The following NME9 variants were observed in gnomAD, a reference collection of about 807,000 sequenced individuals.
NME9 encodes the protein NME/NM23 family member 9.
NME9 carries 48 observed loss-of-function variants against 44.4 expected under a neutral mutation model. That is an observed-to-expected ratio of 1.08 (90% confidence interval 0.86 to 1.37). NME9 has a LOEUF of 1.37. Among genes scored for constraint, NME9 ranks in the 40% most tolerant of loss-of-function variants. The pLI is 0.00. For missense variants in NME9, 325 were observed against 405.2 expected (o/e 0.80, Z 1.70); for synonymous variants, 139 against 147.1 (o/e 0.94, Z 0.40).
At chr3:138,327,821 A>C (rs2053888063) in intron 1 of NME9, among the ~76,000 whole-genome samples, 1 of 152,128 alleles carries the variant, frequency 6.6e-6, no homozygotes, top group Non-Finnish European at 1.5e-5. Flanking sequence ...TTGTACTCAG[A>C]GCTCTGAGTA....
intron 8 of NME9, among the ~76,000 whole-genome samples, chr3:138,271,309 A>T (rs564181371): frequency 6.6e-6 from 1 of 152,070 alleles, no homozygotes; most frequent in African/African-American, 2.4e-5. Context: ...CTCTGAGAAC[A>T]TTCCCCCAAG....
intron 2 of NME9, among the ~76,000 whole-genome samples, chr3:138,323,102 C>T (rs933833150): frequency 3.3e-5 from 5 of 152,192 alleles, no homozygotes; most frequent in Admixed American, 2.0e-4. Context: ...CCAGGCAAGT[C>T]TACTACAGAT....
At chr3:138,325,724 G>A (rs2053744069) in intron 1 of NME9, among the ~76,000 whole-genome samples, 1 of 151,058 alleles carries the variant, frequency 6.6e-6, no homozygotes, top group South Asian at 2.1e-4. Flanking sequence ...AAACATTTCT[G>A]TATAATGTTT....
chr3:138,294,023 C>T (rs569861222), intron 8 of NME9, among the ~76,000 whole-genome samples: 2 of 152,210 alleles, frequency 1.3e-5, no homozygotes, highest in South Asian at 4.1e-4. Flanking sequence ...TAAAAAGACT[C>T]CTTAGATAAT....
At chr3:138,301,729 G>C (rs747805340) in intron 10 of NME9, 25 bp from the exon 11 acceptor site, 4 of 1,525,466 alleles carry the variant, frequency 2.6e-6, no homozygotes. Context: ...ATGTTTGGTA[G>C]GACTCCTGAA....
At chr3:138,297,065 T>C (rs2051553026), downstream of NME9, 1 of 152,206 alleles carries the variant, frequency 6.6e-6, no homozygotes, top group African/African-American at 2.4e-5. Flanking sequence ...AAGCTTTCTG[T>C]TAGCTGTATT....
At chr3:138,279,717 T>C (rs977927867) in intron 8 of NME9, among the ~76,000 whole-genome samples, 8 of 152,242 alleles carry the variant, frequency 5.3e-5, no homozygotes, top group African/African-American at 1.9e-4. Context: ...GATTTTTTAA[T>C]AGAAATAGGA....
intron 8 of NME9, among the ~76,000 whole-genome samples, chr3:138,283,591 A>T (rs529714192): frequency 6.6e-6 from 1 of 152,154 alleles, no homozygotes; most frequent in South Asian, 2.1e-4. Context: ...CATAATAGTT[A>T]CTTAGTAAAT....
At chr3:138,283,110 T>C (rs2050099495) in intron 8 of NME9, among the ~76,000 whole-genome samples, 2 of 152,220 alleles carry the variant, frequency 1.3e-5, no homozygotes, top group East Asian at 3.8e-4. Flanking sequence ...ATACAATTTA[T>C]GTTTCATGTC....
chr3:138,315,171 G>A (rs143715000), intron 5 of NME9, among the ~76,000 whole-genome samples: 9 of 152,302 alleles, frequency 5.9e-5, no homozygotes, highest in African/African-American at 2.2e-4. Context: ...GGGTCACTAG[G>A]AGAGATTTCA....
chr3:138,284,442 C>A, intron 8 of NME9: 1 of 1,613,232 alleles, frequency 6.2e-7, no homozygotes, highest in Non-Finnish European at 8.5e-7. Context: ...CACTGTGCAT[C>A]TTAGCCAACA....
At position 138,278,033 on chromosome 3, in the gene NME9, A is replaced by G. The variant is rs573379681; in HGVS notation, c.746-15447T>C. Among the ~76,000 whole-genome samples, 218 of 152,344 alleles carry G rather than the reference A, an allele frequency of 1.4e-3. 1 individual carries two copies. Among genetic ancestry groups the G allele is most frequent in the Middle Eastern group, 6.8e-3 (2 of 294 alleles). On this transcript the variant is annotated intron_variant, in intron 8 of 8. Transcript: ENST00000317876. ...GGCAAGATACTATATGATCCCATCTATATGACCATCTGTAAAAGACAAAAC... is the reference window on the plus strand; with the variant it reads ...GGCAAGATACTATATGATCCCATCTGTATGACCATCTGTAAAAGACAAAAC...
Position 138,301,571 on chromosome 3 carries a change from C to A in NME9, c.*69G>T. ...GTATTGGTACTCAAAAGAGTAAGTT[C>A]CGATTCCGGAGGTCTGTTTTGTGCA... On this transcript the variant is annotated 3_prime_UTR_variant, in exon 11 of 11. Coordinates refer to ENST00000333911, the MANE Select transcript of NME9 (RefSeq NM_001349018.2). 6.6e-7 allele frequency: 1 copy of A among 1,522,666 alleles called. No homozygotes were observed. The highest frequency in any genetic ancestry group is 1.2e-5 in the South Asian group (1 of 82,232). The allele number at this position is 1,522,666 out of a possible 1,614,324, so 94.3% of individuals were successfully genotyped here.
chr3:138,262,293 A>G (rs377108477), exon 9 of NME9: 2 of 455,160 alleles, frequency 4.4e-6, no homozygotes, highest in African/African-American at 2.0e-5. Flanking sequence ...TATCAGTAAG[A>G]ATGGAATTAG....
chr3:138,329,202 G>T, intron 1 of NME9, 101 bp downstream of exon 1: 1 of 1,054,516 alleles, frequency 9.5e-7, no homozygotes, highest in Non-Finnish European at 1.4e-6. Context: ...ACGTACTGCT[G>T]GCAAACAGAA....
intron 8 of NME9, among the ~76,000 whole-genome samples, chr3:138,266,569 A>G (rs979444231): frequency 4.6e-5 from 7 of 152,164 alleles, no homozygotes; most frequent in East Asian, 1.9e-4. Flanking sequence ...AAATAGTTCT[A>G]TCAAGGAGGT....
chr3:138,274,529 T>C, intron 8 of NME9: 1 of 1,612,546 alleles, frequency 6.2e-7, no homozygotes, highest in Non-Finnish European at 8.5e-7. Context: ...AACATAACAT[T>C]GAGGTCAAAG....
intron 8 of NME9, among the ~76,000 whole-genome samples, chr3:138,294,902 CTT>C (rs761552356): frequency 2.8e-5 from 4 of 141,978 alleles, no homozygotes; most frequent in Non-Finnish European, 3.1e-5. Context: ...GTTTTTTGTT[CTT>C]TTTTTTTTTT....
chr3:138,274,233 ATGTG>A (rs142329302), intron 8 of NME9, among the ~76,000 whole-genome samples: 2,258 of 142,312 alleles, frequency 0.016, 29 homozygotes, highest in African/African-American at 0.039. Context: ...GTGTATATAC[ATGTG>A]TGTGTGTGTG....
Sources: allele counts gnomAD v4.1 joint callset (sites outside exome capture counted in the v4.1 genomes callset), GRCh38; gene constraint gnomAD v4.1.1; transcripts MANE v1.5; gene names NCBI Gene and HGNC (gene_info 2026-07-23, HGNC 2026-07-21).